The following ALDOB variants were observed in gnomAD, a reference collection of about 807,000 sequenced individuals.
ALDOB encodes fructose-bisphosphate aldolase B.
ALDOB carries 39 observed loss-of-function variants against 41.0 expected under a neutral mutation model. The ratio of observed to expected loss-of-function variants is 0.95; its 90% CI spans 0.74 to 1.24. ALDOB has a LOEUF of 1.24. ALDOB is among the 50% of genes most tolerant of loss of function. The pLI is 0.00. For synonymous variants in ALDOB, 175 were observed against 168.8 expected, an observed-to-expected ratio of 1.04 and a Z score of -0.28; for missense variants, 530 against 457.3, an observed-to-expected ratio of 1.16 and a Z score of -1.45.
Position 101,424,893 on chromosome 9 carries a change from T to C in ALDOB, c.949A>G (p.Lys317Glu). The C allele has an allele frequency of 2.5e-6, 4 of 1,614,004 alleles. No homozygotes were observed. The highest frequency in any genetic ancestry group is 2.2e-5 in the South Asian group (2 of 91,080). Residue 317 changes from lysine to glutamate, a missense_variant, in exon 8 of 9, where the codon AAG (lysine) becomes GAG (glutamate). Coordinates refer to ENST00000647789, the MANE Select transcript of ALDOB (RefSeq NM_000035.4). ...TGGGTTGCCTCCTTGTTTGCAGCCT[T>C]GCCACCCCAGGCAGCCAGTGCACTG... ...QASALAAWGG[K>E]AANKEATQEA... is the part of the protein sequence containing the mutation.
At chr9:101,434,552 A>G (rs1401248974) in intron 1 of ALDOB, among the ~76,000 whole-genome samples, 1 of 152,226 alleles carries the variant, frequency 6.6e-6, no homozygotes, top group South Asian at 2.1e-4. Context: ...TTGATAGCCC[A>G]TGATTTCTAG....
chr9:101,421,794 G>A lies in ALDOB; in HGVS notation c.*15C>T, dbSNP rs1188485332. ...CTACTAGAAGCACTGGAGCTAGGCT[G>A]GCGGGCATTGGACCCTAGTAGGTAT... On this transcript the variant is annotated 3_prime_UTR_variant, in exon 9 of 9. Transcript: ENST00000647789. 1 of 1,610,920 alleles carries A rather than the reference G, an allele frequency of 6.2e-7. No individual in the cohort carries two copies. Among genetic ancestry groups the A allele is most frequent in the South Asian group, 1.1e-5 (1 of 90,898 alleles).
chr9:101,426,723 G>T, intron 5 of ALDOB, 85 bp from the exon 6 acceptor site: 2 of 855,660 alleles, frequency 2.3e-6, no homozygotes, highest in Non-Finnish European at 2.0e-6. Flanking sequence ...GTTGCAATTG[G>T]TATAAATTGA....
chr9:101,435,460 G>T (rs927779288), intron 1 of ALDOB, among the ~76,000 whole-genome samples: 2 of 152,170 alleles, frequency 1.3e-5, no homozygotes, highest in Non-Finnish European at 2.9e-5. Context: ...GGTAACACAA[G>T]TAACTGGCAA....
intron 2 of ALDOB, 138 bp from the exon 3 acceptor site, chr9:101,430,104 A>G: frequency 1.2e-6 from 1 of 831,652 alleles, no homozygotes; most frequent in Non-Finnish European, 2.0e-6. Flanking sequence ...TCCTGCTTCA[A>G]TTTTTTGTGT....
chr9:101,435,117 A>G (rs1831272438), intron 1 of ALDOB, among the ~76,000 whole-genome samples: 1 of 152,122 alleles, frequency 6.6e-6, no homozygotes, highest in East Asian at 1.9e-4. Context: ...AGGGTTTGGA[A>G]ATTCATAATC....
intron 4 of ALDOB, among the ~76,000 whole-genome samples, chr9:101,428,063 A>G (rs900664704): frequency 6.6e-6 from 1 of 152,216 alleles, no homozygotes; most frequent in African/African-American, 2.4e-5. Context: ...TCTAGGTAGC[A>G]TGTGATAGAA....
chr9:101,421,903 G>A lies in ALDOB; in HGVS notation c.1001C>T (p.Ala334Val). The change falls in exon 9 of 9, where the codon GCT (alanine) becomes GTT (valine). Residue 334 changes from alanine (A) to valine (V), a missense_variant and splice_region_variant. Transcript: ENST00000647789. ...CTGTCCTTTGGCCGCCTGGCAGTTA[G>A]CCTAGAAGACAAATATGAGAGAGGA... ...TQEAFMKRAMANCQAAKGQYV... is the reference protein window; with the variant it reads ...TQEAFMKRAMVNCQAAKGQYV... 1 of 1,613,512 alleles carries A rather than the reference G, an allele frequency of 6.2e-7. No homozygotes were observed. The highest frequency in any genetic ancestry group is 8.5e-7 in the Non-Finnish European group (1 of 1,179,758).
At position 101,420,946 on chromosome 9, in the gene ALDOB, C is replaced by A. The variant is rs28508262; in HGVS notation, c.*863G>T. 1.3e-5 allele frequency: 2 copies of A among 152,174 alleles called. No individual in the cohort carries two copies. The highest frequency in any genetic ancestry group is 2.4e-5 in the African/African-American group (1 of 41,438). The allele number at this position is 152,174 out of a possible 1,614,324, so 9.4% of individuals were successfully genotyped here. A position where few individuals can be genotyped will look rare whatever the true frequency, so the allele number is the denominator to read the frequency against. ...GACAAGGTAGTCCTGTTTCACCAAA[C>A]CTGGGCCACTTGAACAAGAATGCTC... On this transcript the variant is annotated 3_prime_UTR_variant, in exon 9 of 9. Coordinates refer to ENST00000647789, the MANE Select transcript of ALDOB (RefSeq NM_000035.4).
chr9:101,425,185 TGCTTTTGCTGAAG>T, intron 7 of ALDOB, 143 bp from the exon 8 acceptor site: 1 of 1,040,488 alleles, frequency 9.6e-7, no homozygotes, highest in Admixed American at 2.1e-5. Flanking sequence ...GAAATCAGTT[TGCTTTTGCTGAAG>T]CTAGTTGGGC....
intron 7 of ALDOB, 28 bp from the exon 8 acceptor site, chr9:101,425,070 A>G (rs780941165): frequency 2.2e-5 from 35 of 1,611,164 alleles, no homozygotes; most frequent in Non-Finnish European, 2.9e-5. Flanking sequence ...ATTTCACTCT[A>G]TTAGTCCCAC....
intron 8 of ALDOB, 107 bp downstream of exon 8, chr9:101,424,736 A>G (rs2118341370): frequency 7.5e-7 from 1 of 1,328,974 alleles, no homozygotes; most frequent in East Asian, 2.3e-5. Context: ...AATAGACACT[A>G]TCGGTAGATA....
rs1831051209 is a variant in ALDOB, at chr9:101,421,823, A to G, written c.1081T>C (p.Cys361Arg). ...GGCATTGGACCCTAGTAGGTATAGCAGGCTGTGAAGAGCGACTGGGTGGAA... is the reference window on the plus strand; with the variant it reads ...GGCATTGGACCCTAGTAGGTATAGCGGGCTGTGAAGAGCGACTGGGTGGAA... ...AASTQSLFTA[C>R]YTY The change falls in exon 9 of 9, where the codon TGC becomes CGC. Residue 361 changes from cysteine to arginine, a missense_variant. Transcript: ENST00000647789. 2.5e-6 allele frequency: 4 copies of G among 1,613,990 alleles called. No homozygotes were observed. The highest frequency in any genetic ancestry group is 1.1e-5 in the South Asian group (1 of 91,052).
Position 101,425,525 on chromosome 9 carries a change from T to G in ALDOB, c.727A>C (p.Lys243Gln), listed in dbSNP as rs1258765532. 8 of 1,613,982 alleles carry G rather than the reference T, an allele frequency of 5.0e-6. No homozygotes were observed. Among genetic ancestry groups the G allele is most frequent in the Non-Finnish European group, 6.8e-6 (8 of 1,180,036 alleles). Reference sequence around the variant, plus strand: ...ATAGCTACTTGTTCTGGAGTATACTTCTTGGTGCAGGCATGTCCAGCAGTC... The same window carrying G: ...ATAGCTACTTGTTCTGGAGTATACTGCTTGGTGCAGGCATGTCCAGCAGTC... ...MVTAGHACTK[K>Q]YTPEQVAMAT... The change falls in exon 7 of 9, where the codon AAG becomes CAG. Residue 243 changes from lysine (K) to glutamine (Q), a missense_variant. Physicochemically the swap from Lys to Gln is moderately conservative, Grantham distance 53. Transcript: ENST00000647789.
chr9:101,425,119 C>T, intron 7 of ALDOB, 77 bp from the exon 8 acceptor site: 1 of 1,475,632 alleles, frequency 6.8e-7, no homozygotes, highest in East Asian at 2.3e-5. Context: ...AATGAACCTA[C>T]CAGAAAAGTA....
chr9:101,434,857 C>G (rs1310486295), intron 1 of ALDOB, among the ~76,000 whole-genome samples: 4 of 152,184 alleles, frequency 2.6e-5, no homozygotes, highest in African/African-American at 9.7e-5. Context: ...TGTGCCTTAG[C>G]TAAAGTGATG....
rs752810910 is a variant in ALDOB, at chr9:101,427,556, C to A, written c.466G>T (p.Asp156Tyr). 1.2e-6 allele frequency: 2 copies of A among 1,614,008 alleles called. No individual in the cohort carries two copies. The highest frequency in any genetic ancestry group is 1.7e-6 in the Non-Finnish European group (2 of 1,180,026). ...GKWRAVLRIA[D>Y]QCPSSLAIQE... ...ATAGCGAGGCTGGATGGACACTGGT[C>A]GGCAATCCTCAGCACAGCACGCCAC... is the stretch of plus-strand genomic sequence containing the variant. Residue 156 changes from aspartate (D) to tyrosine (Y), a missense_variant, in exon 5 of 9, where the codon GAC becomes TAC. Coordinates refer to ENST00000647789, the MANE Select transcript of ALDOB (RefSeq NM_000035.4).
rs144196914 is a variant in ALDOB at position 101,427,497 on chromosome 9, G to A, written c.525C>T (p.Ala175=). The stretch of plus-strand genomic sequence containing the variant: ...GGCAGAGCACCTGCTGACAGATGCT[G>A]GCGTAGCGAGCCAGGGCGTTGGCGT... ...QENANALARY[A]SICQQNGLVP... The change falls in exon 5 of 9, where the codon GCC becomes GCT. Residue 175 remains alanine, a synonymous_variant. Transcript: ENST00000647789. 152 of 1,614,188 alleles carry A rather than the reference G, an allele frequency of 9.4e-5. No individual in the cohort carries two copies. In the African/African-American group the frequency reaches 1.7e-3, roughly 18 times the overall value.
At chr9:101,424,229 C>G (rs1831090619) in intron 8 of ALDOB, among the ~76,000 whole-genome samples, 1 of 152,080 alleles carries the variant, frequency 6.6e-6, no homozygotes, top group African/African-American at 2.4e-5. Context: ...ACTAGCCTGG[C>G]CAACATGGTG....
Sources: gnomAD v4.1 joint callset for allele counts (sites outside exome capture counted in the v4.1 genomes callset) on GRCh38, gnomAD v4.1.1 for gene constraint, MANE v1.5 for transcripts, NCBI Gene and HGNC (gene_info 2026-07-23, HGNC 2026-07-21) for gene names.